Variants in SGCD observed in about 807,000 individuals in gnomAD.
The protein encoded by SGCD is delta-sarcoglycan.
In SGCD, 18 loss-of-function variants were observed where a neutral mutation model predicts 36.6. That is an observed-to-expected ratio of 0.49 (90% CI 0.34 to 0.73). The LOEUF is 0.73. Ranked by LOEUF, SGCD falls within the 30% of genes least tolerant of loss-of-function variation. The pLI is 0.01. For synonymous variants in SGCD, 133 were observed against 130.6 expected (o/e 1.02, Z -0.12); for missense variants, 387 against 346.7 (o/e 1.12, Z -0.92).
At chr5:156,603,708 T>G (rs1204975593) in intron 6 of SGCD, among the ~76,000 whole-genome samples, 2 of 152,058 alleles carry the variant, frequency 1.3e-5, no homozygotes, top group Non-Finnish European at 2.9e-5. Context: ...TTTGTAAAGT[T>G]CTGAAGTTTT....
the SGCD span, among the ~76,000 whole-genome samples, chr5:155,759,946 A>G: frequency 1.3e-5 from 2 of 152,232 alleles, no homozygotes; most frequent in African/African-American, 4.8e-5. Context: ...GTTTCTGCAC[A>G]TACATTTCAT....
At chr5:155,871,606 A>G (rs192122501) in intron 1 of SGCD, among the ~76,000 whole-genome samples, 43 of 152,226 alleles carry the variant, frequency 2.8e-4, no homozygotes, top group Non-Finnish European at 5.7e-4. Context: ...GGGAAGGTAA[A>G]AAGAGGAGGA....
chr5:156,719,891 A>G (rs191447322), intron 7 of SGCD, among the ~76,000 whole-genome samples: 219 of 151,698 alleles, frequency 1.4e-3, no homozygotes, highest in African/African-American at 5.0e-3. Context: ...TTTAATAAGC[A>G]GAGCTGGATC....
chr5:156,434,689 C>G (rs1753170385), intron 3 of SGCD, among the ~76,000 whole-genome samples: 1 of 152,182 alleles, frequency 6.6e-6, no homozygotes, highest in South Asian at 2.1e-4. Flanking sequence ...ATTAGCCAAA[C>G]TTAATGTTTC....
intron 3 of SGCD, among the ~76,000 whole-genome samples, chr5:156,420,165 C>T (rs1341559985): frequency 6.6e-6 from 1 of 152,268 alleles, no homozygotes; most frequent in Middle Eastern, 3.4e-3. Context: ...CTTCATAACA[C>T]CTGAGTCTTC....
intron 4 of SGCD, among the ~76,000 whole-genome samples, chr5:156,552,773 G>T (rs1204626269): frequency 6.6e-6 from 1 of 152,142 alleles, no homozygotes; most frequent in South Asian, 2.1e-4. Context: ...GTAGGGCACA[G>T]CTGTCCTCTG....
chr5:156,627,446 T>A (rs1026133738), intron 6 of SGCD, among the ~76,000 whole-genome samples: 4 of 152,210 alleles, frequency 2.6e-5, no homozygotes, highest in Non-Finnish European at 5.9e-5. Context: ...TTTAATGGAA[T>A]CTTCTTATAA....
intron 7 of SGCD, among the ~76,000 whole-genome samples, chr5:156,728,252 G>A (rs1755873491): frequency 6.6e-6 from 1 of 152,116 alleles, no homozygotes; most frequent in African/African-American, 2.4e-5. Flanking sequence ...AATTCTCATA[G>A]TAATGGTACC....
chr5:156,611,640 G>A (rs151306012), intron 6 of SGCD, among the ~76,000 whole-genome samples: 1 of 152,258 alleles, frequency 6.6e-6, no homozygotes, highest in East Asian at 1.9e-4. Flanking sequence ...GACGTGGCGA[G>A]TTTTCAGCTA....
chr5:155,970,726 T>C (rs553282707), intron 1 of SGCD, among the ~76,000 whole-genome samples: 21 of 152,318 alleles, frequency 1.4e-4, no homozygotes, highest in Non-Finnish European at 1.0e-4. Context: ...TGTATACATT[T>C]ATGCTATGCA....
In SGCD at chr5:156,765,047, C is replaced by G. The variant is rs1053814356; in HGVS notation, c.*5657C>G. The G allele has an allele frequency of 1.3e-5, 2 of 152,214 alleles. No homozygotes were observed. The highest frequency in any genetic ancestry group is 6.5e-5 in the Admixed American group (1 of 15,282). The allele number at this position is 152,214 out of a possible 1,614,324, so 9.4% of individuals were successfully genotyped here. A position where few individuals can be genotyped will look rare whatever the true frequency, so the allele number is the denominator to read the frequency against. On this transcript the variant is annotated 3_prime_UTR_variant, in exon 9 of 9. Transcript: ENST00000337851. ...TAAGTGAGTGAATTTGGCTTCATCA[C>G]TGAACATTAGCTAAGGTCAGCTTAA...
At chr5:156,404,265 A>G (rs185544841) in intron 3 of SGCD, among the ~76,000 whole-genome samples, 1 of 152,180 alleles carries the variant, frequency 6.6e-6, no homozygotes, top group East Asian at 1.9e-4. Flanking sequence ...CATTCTCTCT[A>G]TTTGTCCCAT....
intron 4 of SGCD, among the ~76,000 whole-genome samples, chr5:156,517,372 T>A (rs1757221185): frequency 6.6e-6 from 1 of 152,164 alleles, no homozygotes; most frequent in African/African-American, 2.4e-5. Flanking sequence ...ATGATTGAGG[T>A]ACCTGAAAGA....
At chr5:155,755,751 TC>T in the SGCD span, among the ~76,000 whole-genome samples, 1 of 152,242 alleles carries the variant, frequency 6.6e-6, no homozygotes, top group African/African-American at 2.4e-5. Context: ...GTGTAACTTC[TC>T]TTTTACAGGG....
In SGCD at chr5:156,766,421, A is replaced by C; in HGVS notation, c.*7031A>C. The C allele has an allele frequency of 6.6e-6, 1 of 151,770 alleles. No individual in the cohort carries two copies. The highest frequency in any genetic ancestry group is 3.2e-3 in the Middle Eastern group (1 of 316). 9.4% of individuals were successfully genotyped at this position (151,770 alleles called of 1,614,324 possible). A position where few individuals can be genotyped will look rare whatever the true frequency, so the allele number is the denominator to read the frequency against. The stretch of plus-strand genomic sequence containing the variant: ...TTGGCCTCACACCTTGGCAGCCATC[A>C]TTAATGGGCCATACCCTTCCCCAGG... On this transcript the variant is annotated 3_prime_UTR_variant, in exon 9 of 9. Coordinates refer to ENST00000337851, the MANE Select transcript of SGCD (RefSeq NM_000337.6).
intron 3 of SGCD, among the ~76,000 whole-genome samples, chr5:156,229,963 T>C (rs1764973940): frequency 6.6e-6 from 1 of 152,236 alleles, no homozygotes; most frequent in African/African-American, 2.4e-5. Flanking sequence ...GCTGAGACTT[T>C]ACAGTGCATT....
At chr5:155,742,768 A>G in the SGCD span, among the ~76,000 whole-genome samples, 4 of 152,200 alleles carry the variant, frequency 2.6e-5, no homozygotes, top group African/African-American at 4.8e-5. Context: ...GCTCAGTCCC[A>G]CAGGACTGCT....
intron 3 of SGCD, among the ~76,000 whole-genome samples, chr5:156,416,366 G>A (rs1266078264): frequency 6.6e-6 from 1 of 152,284 alleles, no homozygotes; most frequent in African/African-American, 2.4e-5. Context: ...GAACTTGGGG[G>A]AAAGGGTGGA....
chr5:156,364,763 C>T (rs957802454), intron 3 of SGCD, among the ~76,000 whole-genome samples: 1 of 152,122 alleles, frequency 6.6e-6, no homozygotes, highest in African/African-American at 2.4e-5. Context: ...AGTCACTCCT[C>T]CTTTTCCCTA....
Sources: allele counts gnomAD v4.1 joint callset (sites outside exome capture counted in the v4.1 genomes callset), GRCh38; gene constraint gnomAD v4.1.1; transcripts MANE v1.5; gene names NCBI Gene and HGNC (gene_info 2026-07-23, HGNC 2026-07-21).